The following ABCC5 variants were observed in gnomAD, a reference collection of about 807,000 sequenced individuals.
ABCC5 encodes ATP binding cassette subfamily C member 5.
A neutral mutation model predicts 160.9 loss-of-function variants in ABCC5; 61 were observed. The observed-to-expected ratio is 0.38, with a 90% confidence interval of 0.31 to 0.47. The LOEUF (loss-of-function observed/expected upper bound fraction) is 0.47. ABCC5 is among the 20% of genes least tolerant of loss of function. The pLI is 0.99. For missense variants in ABCC5, 1,308 were observed against 1,813.3 expected, an observed-to-expected ratio of 0.72 and a Z score of 5.06; for synonymous variants, 666 against 700.6, an observed-to-expected ratio of 0.95 and a Z score of 0.78.
Position 183,963,359 on chromosome 3 carries a change from G to A in ABCC5, c.2235+26C>T. ...TTTCTGATTTCCCAAACTCAGGCAG[G>A]CAGCCGAGGGAAGAAAGAACCATAC... On this transcript the variant is annotated intron_variant, in intron 15 of 29. Coordinates refer to ENST00000334444, the MANE Select transcript of ABCC5 (RefSeq NM_005688.4). The surrounding 1 kb of genome is among the most constrained non-coding windows in gnomAD (Gnocchi z 4.6). 6.2e-7 allele frequency: 1 copy of A among 1,612,650 alleles called. No individual in the cohort carries two copies. Among genetic ancestry groups the A allele is most frequent in the Non-Finnish European group, 8.5e-7 (1 of 1,178,634 alleles).
At chr3:183,964,701 GA>G (rs1717057676) in intron 14 of ABCC5, among the ~76,000 whole-genome samples, 1 of 152,178 alleles carries the variant, frequency 6.6e-6, no homozygotes. Context: ...CAATTCATGG[GA>G]GACAAGTTTT....
At chr3:184,001,562 T>C (rs1263032587) in intron 2 of ABCC5, among the ~76,000 whole-genome samples, 1 of 152,080 alleles carries the variant, frequency 6.6e-6, no homozygotes, top group African/African-American at 2.4e-5. Flanking sequence ...CTGGAAATGT[T>C]TGAGGGGTGC....
At chr3:183,942,589 T>C (rs773406591) in intron 25 of ABCC5, 138 bp downstream of exon 25, 2 of 1,077,908 alleles carry the variant, frequency 1.9e-6, no homozygotes, top group Admixed American at 2.0e-5. Context: ...ACAATAAACC[T>C]AGAAAATTGG....
chr3:183,987,311 G>T lies in ABCC5; in HGVS notation c.591+459C>A. 1 of 284,382 alleles carries T rather than the reference G, an allele frequency of 3.5e-6. No individual in the cohort carries two copies. The highest frequency in any genetic ancestry group is 6.7e-6 in the Non-Finnish European group (1 of 149,792). The allele number at this position is 284,382 out of a possible 1,614,324, so 17.6% of individuals were successfully genotyped here. A position where few individuals can be genotyped will look rare whatever the true frequency, so the allele number is the denominator to read the frequency against. On this transcript the variant is annotated intron_variant, in intron 5 of 29. Coordinates refer to ENST00000334444, the MANE Select transcript of ABCC5 (RefSeq NM_005688.4). This position sits in a 1 kb window ranked among gnomAD's most constrained non-coding sequence, Gnocchi z 4.2. ...CTCCAGGTCAGACTCTAAAATCCTC[G>T]ACAGTCCTCTAGTTTTCTCAGGGCT...
chr3:183,955,960 G>A (rs1560003186), intron 17 of ABCC5, among the ~76,000 whole-genome samples: 1 of 141,594 alleles, frequency 7.1e-6, no homozygotes, highest in African/African-American at 2.6e-5. Flanking sequence ...AGGCAGATCC[G>A]TGTGTATATC....
intron 2 of ABCC5, among the ~76,000 whole-genome samples, chr3:184,008,886 T>G (rs1721456631): frequency 6.6e-6 from 1 of 152,218 alleles, no homozygotes; most frequent in East Asian, 1.9e-4. Flanking sequence ...AGACAGGGTC[T>G]CGCTCTGTCA....
chr3:183,929,429 T>A (rs1712950699), intron 26 of ABCC5, among the ~76,000 whole-genome samples: 1 of 152,038 alleles, frequency 6.6e-6, no homozygotes, highest in African/African-American at 2.4e-5. Context: ...TGAGACTCCA[T>A]CTCAATAAAT....
chr3:183,940,108 C>G (rs1461025909), intron 25 of ABCC5, among the ~76,000 whole-genome samples: 1 of 152,134 alleles, frequency 6.6e-6, no homozygotes, highest in Admixed American at 6.5e-5. Flanking sequence ...TGTATTAGGA[C>G]CCATCTTCCT....
At chr3:183,942,336 C>T (rs1281910113) in intron 25 of ABCC5, 2 of 457,118 alleles carry the variant, frequency 4.4e-6, no homozygotes, top group Non-Finnish European at 4.4e-6. Context: ...GCCCAGCCTA[C>T]TGATAGTTTT....
intron 28 of ABCC5, 113 bp from the exon 29 acceptor site, chr3:183,925,832 TTTTC>T (rs960437693): frequency 2.5e-5 from 28 of 1,112,892 alleles, no homozygotes; most frequent in East Asian, 1.9e-4. Flanking sequence ...TATTGTTTTC[TTTTC>T]TTTCTTTTTT....
intron 26 of ABCC5, among the ~76,000 whole-genome samples, chr3:183,933,903 G>A (rs1359130848): frequency 6.6e-6 from 1 of 152,242 alleles, no homozygotes; most frequent in Non-Finnish European, 1.5e-5. Context: ...TGGTGGTGGA[G>A]GCGCGGTTTC....
In ABCC5 at chr3:183,961,515, A is replaced by G. The variant is rs1236375172; in HGVS notation, c.2375T>C (p.Val792Ala). 11 of 1,613,968 alleles carry G rather than the reference A, an allele frequency of 6.8e-6. No individual in the cohort carries two copies. Among genetic ancestry groups the G allele is most frequent in the Non-Finnish European group, 8.5e-6 (10 of 1,179,996 alleles). Reference protein sequence around the residue: ...NNLLLGETPPVEINSKKETSG... With the variant: ...NNLLLGETPPAEINSKKETSG... ...GCAAACACCATCAGATCTTACCTCA[A>G]CTGGCGGTGTCTCTCCCAGCAACAG... The change falls in exon 16 of 30, where the codon GTT becomes GCT. Residue 792 changes from valine (V) to alanine (A), a missense_variant. This residue lies in a region of ABCC5 where 1,142 missense variants were observed against 1,527.1 expected (regional missense o/e 0.75). Transcript: ENST00000334444.
chr3:183,996,468 T>C (rs1473358321), intron 2 of ABCC5, among the ~76,000 whole-genome samples: 1 of 152,218 alleles, frequency 6.6e-6, no homozygotes, highest in Admixed American at 6.5e-5. Flanking sequence ...TTTTACTATA[T>C]ATAACTATGT....
intron 12 of ABCC5, chr3:183,967,456 A>G (rs547177556): frequency 6.2e-6 from 3 of 487,406 alleles, no homozygotes; most frequent in East Asian, 3.9e-5. Context: ...CATGAGACCA[A>G]ATGGTTCCAG....
At chr3:183,932,128 C>G (rs1713238686) in intron 26 of ABCC5, among the ~76,000 whole-genome samples, 1 of 152,176 alleles carries the variant, frequency 6.6e-6, no homozygotes, top group African/African-American at 2.4e-5. Context: ...TGCAGTAAAC[C>G]ATGCTGCCCT....
chr3:183,980,722 T>G (rs908266420), intron 8 of ABCC5, among the ~76,000 whole-genome samples: 16 of 152,004 alleles, frequency 1.1e-4, no homozygotes, highest in African/African-American at 2.4e-4. Flanking sequence ...TTGTTTTTTT[T>G]TTTTTTTTTT....
chr3:183,959,360 C>T (rs1369215363), intron 17 of ABCC5, among the ~76,000 whole-genome samples: 1 of 152,124 alleles, frequency 6.6e-6, no homozygotes, highest in Non-Finnish European at 1.5e-5. Flanking sequence ...ATTCTTAGAG[C>T]CAGAACACCT....
chr3:183,947,619 G>T, intron 22 of ABCC5, 109 bp from the exon 23 acceptor site: 2 of 884,256 alleles, frequency 2.3e-6, no homozygotes, highest in African/African-American at 1.7e-5. Flanking sequence ...AATACTTCCT[G>T]TTTCTAACTG....
At chr3:183,926,316 C>A (rs912433881) in intron 28 of ABCC5, among the ~76,000 whole-genome samples, 1 of 151,554 alleles carries the variant, frequency 6.6e-6, no homozygotes, top group Non-Finnish European at 1.5e-5. Flanking sequence ...CTTTGAGAGG[C>A]CGAGGCAGGC....
Sources: allele counts gnomAD v4.1 joint callset (sites outside exome capture counted in the v4.1 genomes callset), GRCh38; gene constraint gnomAD v4.1.1; regional missense constraint gnomAD v4.1.1; non-coding constraint Gnocchi (gnomAD v3.1); transcripts MANE v1.5; gene names NCBI Gene and HGNC (gene_info 2026-07-23, HGNC 2026-07-21).